Variants in PRH1 observed in about 807,000 individuals in gnomAD.
The protein encoded by PRH1 is salivary acidic proline-rich phosphoprotein 1/2.
Under a neutral mutation model 7.9 loss-of-function variants are expected in PRH1, and 7 were observed. The observed-to-expected ratio is 0.89, with a 90% CI of 0.50 to 1.67. The LOEUF is 1.67. Among genes scored for constraint, PRH1 ranks in the 40% most tolerant of loss-of-function variants. The probability of loss-of-function intolerance (pLI) is 0.00; values close to 1 mark genes in which losing one functional copy is unlikely to be tolerated. For missense variants in PRH1, 109 were observed against 223.6 expected (o/e 0.49, Z 3.27); for synonymous variants, 45 against 80.8 (o/e 0.56, Z 2.38).
chr12:11,163,652 A>G (rs1452294807), intron 1 of PRH1, among the ~76,000 whole-genome samples: 1 of 152,266 alleles, frequency 6.6e-6, no homozygotes, highest in East Asian at 1.9e-4. Context: ...TGAATTGGAA[A>G]TATCAACATG....
intron 2 of PRH1, among the ~76,000 whole-genome samples, chr12:10,969,644 TTTG>T (rs1261783277): frequency 6.6e-6 from 1 of 151,924 alleles, no homozygotes; most frequent in African/African-American, 2.4e-5. Flanking sequence ...TTTCTGTTTT[TTTG>T]TTTTTTTGCA....
At chr12:10,908,367 C>T in intron 2 of PRH1, 1 of 1,597,002 alleles carries the variant, frequency 6.3e-7, no homozygotes, top group Non-Finnish European at 8.5e-7. Flanking sequence ...GTCTGAATGG[C>T]TTATGAAATT....
intron 2 of PRH1, among the ~76,000 whole-genome samples, chr12:10,971,836 A>G (rs868154706): frequency 3.3e-5 from 5 of 152,160 alleles, no homozygotes. Context: ...ACTTTAGTTC[A>G]AAAATTACAT....
intron 1 of PRH1, among the ~76,000 whole-genome samples, chr12:11,008,849 G>A (rs36104587): frequency 0.31 from 46,276 of 151,694 alleles, 8,920 homozygotes; most frequent in East Asian, 0.74. Context: ...ATATACATTT[G>A]CTACAATTCC....
chr12:11,112,188 G>A (rs1314267107), intron 1 of PRH1, among the ~76,000 whole-genome samples: 1 of 152,040 alleles, frequency 6.6e-6, no homozygotes, highest in Non-Finnish European at 1.5e-5. Context: ...AAAAGTCCAG[G>A]AACAGACATA....
intron 2 of PRH1, among the ~76,000 whole-genome samples, chr12:10,918,527 C>T (rs145437467): frequency 1.3e-5 from 2 of 152,190 alleles, no homozygotes; most frequent in East Asian, 1.9e-4. Flanking sequence ...AAGATGAAGT[C>T]GTAGAAATGG....
At chr12:11,027,484 T>C (rs551465026) in intron 1 of PRH1, among the ~76,000 whole-genome samples, 1 of 152,338 alleles carries the variant, frequency 6.6e-6, no homozygotes, top group East Asian at 1.9e-4. Context: ...TTACAGTATA[T>C]GGCATGTTGC....
upstream of PRH1, among the ~76,000 whole-genome samples, chr12:11,047,744 T>C (rs1280994124): frequency 7.9e-6 from 1 of 125,926 alleles, no homozygotes; most frequent in Non-Finnish European, 1.8e-5. Context: ...TGTATGTTTG[T>C]CACTCAAATT....
intron 1 of PRH1, among the ~76,000 whole-genome samples, chr12:11,042,407 G>A (rs570726010): frequency 7.1e-5 from 10 of 139,912 alleles, no homozygotes; most frequent in African/African-American, 2.1e-4. Flanking sequence ...TACAAAGATC[G>A]AACCATAAAG....
intron 2 of PRH1, among the ~76,000 whole-genome samples, chr12:10,951,361 A>C (rs1317627494): frequency 6.6e-6 from 1 of 152,190 alleles, no homozygotes; most frequent in African/African-American, 2.4e-5. Flanking sequence ...GCTTGATCAT[A>C]ACTTGTATCA....
chr12:11,021,367 A>G (rs1270866292), intron 1 of PRH1, among the ~76,000 whole-genome samples: 1 of 80,906 alleles, frequency 1.2e-5, no homozygotes, highest in East Asian at 5.0e-4. Flanking sequence ...AAAGAGAGAT[A>G]ATAAATTCTT....
intron 1 of PRH1, among the ~76,000 whole-genome samples, chr12:11,066,866 G>T (rs987923463): frequency 8.1e-6 from 1 of 123,066 alleles, no homozygotes; most frequent in Non-Finnish European, 1.9e-5. Flanking sequence ...ATATTTTCAA[G>T]AATTTCTTTG....
Position 10,989,161 on chromosome 12 carries a change from C to T in PRH1, c.-125-15440G>A, listed in dbSNP as rs771490588. 9.2e-5 allele frequency among the ~76,000 whole-genome samples: 14 copies of T among 151,942 alleles called. 1 individual carries two copies. Among genetic ancestry groups the T allele is most frequent in the Non-Finnish European group, 1.5e-4 (10 of 68,022 alleles). On this transcript the variant is annotated intron_variant, in intron 1 of 3. Coordinates refer to the PRH1 transcript ENST00000539853. ...GTATGCAACCCTAAACTCTATGATACGGTTTTACCTACTTTAAACCTTTAA... is the reference window on the plus strand; with the variant it reads ...GTATGCAACCCTAAACTCTATGATATGGTTTTACCTACTTTAAACCTTTAA...
At chr12:11,133,966 A>G in intron 1 of PRH1, 1 of 1,614,150 alleles carries the variant, frequency 6.2e-7, no homozygotes, top group South Asian at 1.1e-5. Flanking sequence ...AGCTGCTGAA[A>G]TGGTTGGTTA....
intron 1 of PRH1, chr12:11,121,314 T>C (rs978003799): frequency 3.3e-5 from 5 of 152,234 alleles, no homozygotes; most frequent in Non-Finnish European, 5.9e-5. Flanking sequence ...TTTGTAATAT[T>C]TGCAGAATGT....
At chr12:11,133,652 A>C in intron 1 of PRH1, 1 of 1,614,268 alleles carries the variant, frequency 6.2e-7, no homozygotes, top group Non-Finnish European at 8.5e-7. Context: ...AGAACAGATT[A>C]ACAGCAGAAA....
intron 1 of PRH1, among the ~76,000 whole-genome samples, chr12:11,088,092 T>A (rs188719826): frequency 8.8e-6 from 1 of 113,944 alleles, no homozygotes; most frequent in Admixed American, 9.0e-5. Context: ...TGTAATGCCA[T>A]CATTTTAGGA....
chr12:10,914,399 G>T (rs1591673689), intron 2 of PRH1, among the ~76,000 whole-genome samples: 2 of 152,168 alleles, frequency 1.3e-5, no homozygotes, highest in South Asian at 4.1e-4. Context: ...CATTAGAAAA[G>T]ACAAGGATTT....
intron 1 of PRH1, chr12:11,022,619 C>T (rs1941718732): frequency 7.5e-7 from 1 of 1,328,842 alleles, no homozygotes; most frequent in Admixed American, 2.1e-5. Flanking sequence ...TGTTCTGAGT[C>T]CTTTAACATC....
Sources: gnomAD v4.1 joint callset for allele counts (sites outside exome capture counted in the v4.1 genomes callset) on GRCh38, gnomAD v4.1.1 for gene constraint, MANE v1.5 for transcripts, NCBI Gene and HGNC (gene_info 2026-07-23, HGNC 2026-07-21) for gene names.